The following GSTM4 variants were observed in gnomAD, a reference collection of about 807,000 sequenced individuals.
GSTM4 encodes the protein glutathione S-transferase mu 4.
GSTM4 carries 27 observed loss-of-function variants against 30.1 expected under a neutral mutation model. That is an observed-to-expected ratio of 0.90 (90% CI 0.66 to 1.24). The LOEUF is 1.24. Among genes scored for constraint, GSTM4 ranks in the 50% most tolerant of loss-of-function variants. GSTM4 has a pLI of 0.00. For synonymous variants in GSTM4, 94 were observed against 96.2 expected (o/e 0.98, Z 0.13); for missense variants, 238 against 272.1 (o/e 0.87, Z 0.88).
In GSTM4 at chr1:109,656,268, C is replaced by A. The variant is rs983719885; in HGVS notation, c.-122C>A. On this transcript the variant is annotated 5_prime_UTR_variant, in exon 1 of 8. Transcript: ENST00000369836. ...AGTGACGACCTTGAAGATCGGCGGG[C>A]GCAGCGGGGCCGAGGGGGCGGGTCT... 160 of 886,588 alleles carry A rather than the reference C, an allele frequency of 1.8e-4. No homozygotes were observed. Among genetic ancestry groups the A allele is most frequent in the Non-Finnish European group, 2.7e-4 (149 of 557,382 alleles). The allele number at this position is 886,588 out of a possible 1,614,324, so 54.9% of individuals were successfully genotyped here. A position where few individuals can be genotyped will look rare whatever the true frequency, so the allele number is the denominator to read the frequency against.
chr1:109,656,895 G>T (rs757947610), intron 2 of GSTM4, 108 bp downstream of exon 2: 22 of 1,149,302 alleles, frequency 1.9e-5, no homozygotes, highest in Non-Finnish European at 2.5e-5. Context: ...TGCTGGAGCT[G>T]CAGGCTGTCC....
At position 109,656,442 on chromosome 1, in the gene GSTM4, T is replaced by A. The variant is rs1651987152; in HGVS notation, c.36+17T>A. 6.2e-7 allele frequency: 1 copy of A among 1,613,402 alleles called. No individual in the cohort carries two copies. The highest frequency in any genetic ancestry group is 1.3e-5 in the African/African-American group (1 of 74,846). Reference sequence around the variant, plus strand: ...ATCCGCGGGGTGAGTGAGGGTCCGCTGCACTGTGGGACCGGGCGCGTGGGC... The same window carrying A: ...ATCCGCGGGGTGAGTGAGGGTCCGCAGCACTGTGGGACCGGGCGCGTGGGC... On this transcript the variant is annotated intron_variant, in intron 1 of 7. Coordinates refer to ENST00000369836, the MANE Select transcript of GSTM4 (RefSeq NM_000850.5).
rs757903588 is a variant in GSTM4 at position 109,657,654 on chromosome 1, C to T, written c.242C>T (p.Ala81Val). ...AGCAACGCCATCCTGTGCTACATTGCCCGCAAGCACAACCTGTGTGAGTGT... is the reference window on the plus strand; with the variant it reads ...AGCAACGCCATCCTGTGCTACATTGTCCGCAAGCACAACCTGTGTGAGTGT... ...TQSNAILCYI[A>V]RKHNLCGETE... Residue 81 changes from alanine to valine, a missense_variant, in exon 4 of 8, where the codon GCC (alanine) becomes GTC (valine). Coordinates refer to ENST00000369836, the MANE Select transcript of GSTM4 (RefSeq NM_000850.5). The T allele has an allele frequency of 1.2e-6, 2 of 1,614,122 alleles. No individual in the cohort carries two copies. Among genetic ancestry groups the T allele is most frequent in the African/African-American group, 2.7e-5 (2 of 74,940 alleles).
chr1:109,656,172 T>A lies in GSTM4; in HGVS notation c.-218T>A. On this transcript the variant is annotated 5_prime_UTR_variant, in exon 1 of 8. Transcript: ENST00000369836. ...TCTTACTCCTTCCAGCCAGTGAGGA[T>A]CCAGCAACCTGCTCCGTGCCTCCCG... 1.8e-6 allele frequency: 1 copy of A among 566,106 alleles called. No individual in the cohort carries two copies. Among genetic ancestry groups the A allele is most frequent in the Non-Finnish European group, 3.3e-6 (1 of 305,362 alleles). 35.1% of individuals were successfully genotyped at this position (566,106 alleles called of 1,614,324 possible). A position where few individuals can be genotyped will look rare whatever the true frequency, so the allele number is the denominator to read the frequency against.
chr1:109,656,609 G>GT (rs1652007551), intron 1 of GSTM4, 103 bp from the exon 2 acceptor site: 4 of 735,798 alleles, frequency 5.4e-6, no homozygotes, highest in Non-Finnish European at 9.4e-6. Flanking sequence ...GGGGTGGGGG[G>GT]GGGGTGCAGT....
intron 1 of GSTM4, 79 bp downstream of exon 1, chr1:109,656,504 C>T (rs1398128624): frequency 6.8e-7 from 1 of 1,475,836 alleles, no homozygotes; most frequent in South Asian, 1.1e-5. Context: ...GCTCTAGGGA[C>T]GGTTCCCTCC....
downstream of GSTM4, among the ~76,000 whole-genome samples, chr1:109,661,898 G>A (rs1035333788): frequency 3.3e-5 from 5 of 151,916 alleles, no homozygotes; most frequent in Admixed American, 6.6e-5. Context: ...TGGCGGCATC[G>A]TAGCTTACTG....
Position 109,656,121 on chromosome 1 carries a change from C to A in GSTM4, c.-269C>A. Reference sequence around the variant, plus strand: ...CTCCTAGTGCTTCCGGACCTTGCTCCCTGAACACTCGGAGGTGGCGGTGGA... The same window carrying A: ...CTCCTAGTGCTTCCGGACCTTGCTCACTGAACACTCGGAGGTGGCGGTGGA... On this transcript the variant is annotated 5_prime_UTR_variant, in exon 1 of 8. Transcript: ENST00000369836. 1 of 462,330 alleles carries A rather than the reference C, an allele frequency of 2.2e-6. No individual in the cohort carries two copies. Among genetic ancestry groups the A allele is most frequent in the Non-Finnish European group, 4.0e-6 (1 of 249,060 alleles). The allele number at this position is 462,330 out of a possible 1,614,324, so 28.6% of individuals were successfully genotyped here. A position where few individuals can be genotyped will look rare whatever the true frequency, so the allele number is the denominator to read the frequency against.
intron 5 of GSTM4, 47 bp from the exon 6 acceptor site, chr1:109,658,767 G>T: frequency 7.2e-7 from 1 of 1,389,842 alleles, no homozygotes; most frequent in Admixed American, 1.7e-5. Context: ...CCACATCTGT[G>T]CAGGGAGCTT....
Position 109,661,265 on chromosome 1 carries a change from G to A in GSTM4, c.*11G>A. 1 of 1,612,394 alleles carries A rather than the reference G, an allele frequency of 6.2e-7. No individual in the cohort carries two copies. The highest frequency in any genetic ancestry group is 8.5e-7 in the Non-Finnish European group (1 of 1,179,674). The stretch of plus-strand genomic sequence containing the variant: ...TGGGGCAACAAGTAATGCCTTGAAG[G>A]CCAGGAGGTGGGAGTGAGGAGCCCA... On this transcript the variant is annotated 3_prime_UTR_variant, in exon 8 of 8. Coordinates refer to ENST00000369836, the MANE Select transcript of GSTM4 (RefSeq NM_000850.5).
chr1:109,667,013 T>G (rs1405737225), downstream of GSTM4, among the ~76,000 whole-genome samples: 1 of 152,088 alleles, frequency 6.6e-6, no homozygotes, highest in Non-Finnish European at 1.5e-5. Flanking sequence ...TGGGGCACTG[T>G]CCTGAGCATT....
chr1:109,661,057 G>C, intron 7 of GSTM4, 108 bp from the exon 8 acceptor site: 1 of 1,497,046 alleles, frequency 6.7e-7, no homozygotes, highest in East Asian at 2.3e-5. Context: ...TTGAGCCCAC[G>C]TGGAAAGGCT....
Position 109,657,832 on chromosome 1 carries a change from T to C in GSTM4, c.320T>C (p.Val107Ala), listed in dbSNP as rs186288006. ...VDILENQAMD[V>A]SNQLARVCYS... ...ATTTTGGAGAACCAGGCTATGGACG[T>C]CTCCAATCAGCTGGCCAGAGTCTGC... is the stretch of plus-strand genomic sequence containing the variant. Residue 107 changes from valine to alanine, a missense_variant, in exon 5 of 8, where the codon GTC becomes GCC. Val to Ala is a moderately conservative substitution (Grantham distance 64). Coordinates refer to ENST00000369836, the MANE Select transcript of GSTM4 (RefSeq NM_000850.5). 29 of 1,614,098 alleles carry C rather than the reference T, an allele frequency of 1.8e-5. No individual in the cohort carries two copies. In the Middle Eastern group the frequency reaches 5.0e-4, roughly 28 times the overall value.
At chr1:109,667,561 T>C (rs1647372336), downstream of GSTM4, among the ~76,000 whole-genome samples, 1 of 152,200 alleles carries the variant, frequency 6.6e-6, no homozygotes, top group African/African-American at 2.4e-5. Flanking sequence ...CGTTTGGATT[T>C]AGGCTGATAA....
At chr1:109,659,371 A>G in intron 7 of GSTM4, 2 of 1,483,040 alleles carry the variant, frequency 1.3e-6, no homozygotes, top group South Asian at 1.4e-5. Flanking sequence ...TCTGGGTCCC[A>G]GAGCCAGTGG....
downstream of GSTM4, among the ~76,000 whole-genome samples, chr1:109,662,898 G>A (rs1352651308): frequency 1.3e-5 from 2 of 152,206 alleles, no homozygotes; most frequent in African/African-American, 2.4e-5. Context: ...GATTCCAAGA[G>A]CCAGGTATAA....
At chr1:109,657,421 T>C in intron 3 of GSTM4, 142 bp downstream of exon 3, 1 of 1,399,652 alleles carries the variant, frequency 7.1e-7, no homozygotes. Context: ...AGCCCCTGCA[T>C]GATGTTCTGT....
Position 109,661,413 on chromosome 1 carries a change from T to C in GSTM4, c.*159T>C. 1 of 1,500,336 alleles carries C rather than the reference T, an allele frequency of 6.7e-7. No homozygotes were observed. Among genetic ancestry groups the C allele is most frequent in the Non-Finnish European group, 8.9e-7 (1 of 1,122,316 alleles). 92.9% of individuals were successfully genotyped at this position (1,500,336 alleles called of 1,614,324 possible). A position where few individuals can be genotyped will look rare whatever the true frequency, so the allele number is the denominator to read the frequency against. ...CCAAGACTTTATTGGGCCTCTTCAC[T>C]TCCCCTAAACCCCTGTCCCATGCAG... is the stretch of plus-strand genomic sequence containing the variant. On this transcript the variant is annotated 3_prime_UTR_variant, in exon 8 of 8. Transcript: ENST00000369836.
Position 109,661,663 on chromosome 1 carries a change from C to T in GSTM4, c.*409C>T, listed in dbSNP as rs1252240546. 2 of 1,141,372 alleles carry T rather than the reference C, an allele frequency of 1.8e-6. No homozygotes were observed. Among genetic ancestry groups the T allele is most frequent in the African/African-American group, 3.2e-5 (2 of 63,144 alleles). 70.7% of individuals were successfully genotyped at this position (1,141,372 alleles called of 1,614,324 possible). A position where few individuals can be genotyped will look rare whatever the true frequency, so the allele number is the denominator to read the frequency against. ...CCCTGCTCCTGCAGCATGGCCCCTG[C>T]CTTAGGCCTACCTGATCAAAATAAA... On this transcript the variant is annotated 3_prime_UTR_variant, in exon 8 of 8. Coordinates refer to ENST00000369836, the MANE Select transcript of GSTM4 (RefSeq NM_000850.5).
Sources: gnomAD v4.1 joint callset for allele counts (sites outside exome capture counted in the v4.1 genomes callset) on GRCh38, gnomAD v4.1.1 for gene constraint, MANE v1.5 for transcripts, NCBI Gene and HGNC (gene_info 2026-07-23, HGNC 2026-07-21) for gene names.